The following FAAH2 variants were observed in gnomAD, a reference collection of about 807,000 sequenced individuals.
FAAH2 encodes fatty-acid amide hydrolase 2.
FAAH2 carries 60 observed loss-of-function variants against 36.9 expected under a neutral mutation model. The ratio of observed to expected loss-of-function variants is 1.63; its 90% confidence interval spans 1.32 to 2.02. The LOEUF (loss-of-function observed/expected upper bound fraction) is 2.02, where lower values mean the gene tolerates loss of function less well. Ranked by LOEUF, FAAH2 falls within the 30% of genes most tolerant of loss-of-function variation. The probability of loss-of-function intolerance (pLI) is 0.00; values close to 1 mark genes in which losing one functional copy is unlikely to be tolerated. For synonymous variants in FAAH2, 214 were observed against 143.8 expected (o/e 1.49, Z -3.49); for missense variants, 689 against 397.5 (o/e 1.73, Z -6.23).
At chrX:57,148,758 C>T in the FAAH2 span, among the ~76,000 whole-genome samples, 1 of 111,461 alleles carries the variant, frequency 9.0e-6, no homozygotes, top group Non-Finnish European at 1.9e-5. Context: ...TTATTTCCTT[C>T]TCCTGCCTCA....
the FAAH2 span, among the ~76,000 whole-genome samples, chrX:57,132,403 G>A: frequency 3.6e-5 from 4 of 112,142 alleles, no homozygotes; most frequent in African/African-American, 1.3e-4. Context: ...CAATCTAGGC[G>A]TTGAGTATAG....
chrX:57,400,842 G>T (rs1043943488), intron 7 of FAAH2, among the ~76,000 whole-genome samples: 2 of 112,404 alleles, frequency 1.8e-5, no homozygotes. Flanking sequence ...CTTGGGTGGG[G>T]CTGGGCGCAG....
chrX:57,487,471 A>G (rs958271128), intron 10 of FAAH2, among the ~76,000 whole-genome samples: 2 of 112,038 alleles, frequency 1.8e-5, no homozygotes, highest in African/African-American at 3.2e-5. Flanking sequence ...AATGGATTTC[A>G]ATAGATATTT....
At position 57,345,667 on chromosome X, in the gene FAAH2, C is replaced by T. The variant is rs1015659737; in HGVS notation, c.742+4277C>T. ...ATAGTTACATATTTTCTACTGCAAG[C>T]TTTGAGTTTGGATTGCAATTTATTT... On this transcript the variant is annotated intron_variant, in intron 5 of 10. Coordinates refer to ENST00000374900, the MANE Select transcript of FAAH2 (RefSeq NM_174912.4). 2.7e-5 allele frequency among the ~76,000 whole-genome samples: 3 copies of T among 111,144 alleles called. No individual in the cohort carries two copies. In the South Asian group the frequency reaches 1.1e-3, roughly 41 times the overall value.
At chrX:57,349,235 A>T (rs886623334) in intron 5 of FAAH2, among the ~76,000 whole-genome samples, 1 of 63,317 alleles carries the variant, frequency 1.6e-5, no homozygotes, top group African/African-American at 3.9e-5. Context: ...ATGTATGTAT[A>T]TATGTATGTA....
At chrX:57,300,353 C>G (rs774530827) in intron 2 of FAAH2, among the ~76,000 whole-genome samples, 16 of 111,638 alleles carry the variant, frequency 1.4e-4, no homozygotes, top group South Asian at 3.8e-4. Flanking sequence ...ACAAGCAATG[C>G]GGAAAGGATT....
intron 5 of FAAH2, among the ~76,000 whole-genome samples, chrX:57,370,758 A>G (rs761799765): frequency 8.9e-6 from 1 of 111,896 alleles, no homozygotes; most frequent in African/African-American, 3.2e-5. Flanking sequence ...AGATTCTCAT[A>G]GGAGCATGAA....
At chrX:57,391,189 G>A (rs888201885) in intron 7 of FAAH2, among the ~76,000 whole-genome samples, 2 of 110,105 alleles carry the variant, frequency 1.8e-5, no homozygotes, top group South Asian at 7.5e-4. Flanking sequence ...TTGTTGATTT[G>A]TTTTGGTTTC....
chrX:57,185,259 G>C, the FAAH2 span, among the ~76,000 whole-genome samples: 8 of 110,138 alleles, frequency 7.3e-5, no homozygotes, highest in Non-Finnish European at 1.3e-4. Flanking sequence ...CCCAGCCTCT[G>C]GTCTCTTTCT....
chrX:57,352,264 C>T (rs939271802), intron 5 of FAAH2, among the ~76,000 whole-genome samples: 19 of 103,192 alleles, frequency 1.8e-4, no homozygotes, highest in African/African-American at 6.0e-4. Flanking sequence ...AGACCACATA[C>T]TATGATTAAG....
intron 10 of FAAH2, among the ~76,000 whole-genome samples, chrX:57,466,700 T>C (rs2057057498): frequency 9.0e-6 from 1 of 111,132 alleles, no homozygotes; most frequent in African/African-American, 3.3e-5. Context: ...ATATTTCCTA[T>C]CTATTATTTT....
intron 2 of FAAH2, among the ~76,000 whole-genome samples, chrX:57,300,076 T>A (rs1296976321): frequency 6.3e-5 from 7 of 111,842 alleles, no homozygotes; most frequent in African/African-American, 2.3e-4. Context: ...AAGCTACAAA[T>A]GACTTTCTTC....
intron 10 of FAAH2, among the ~76,000 whole-genome samples, chrX:57,467,878 TG>T (rs1222595286): frequency 9.0e-6 from 1 of 111,530 alleles, no homozygotes; most frequent in East Asian, 2.8e-4. Flanking sequence ...CTCACACAGC[TG>T]GGTACCCCTC....
chrX:57,457,862 G>A (rs2056888996), intron 10 of FAAH2, among the ~76,000 whole-genome samples: 1 of 111,223 alleles, frequency 9.0e-6, no homozygotes, highest in African/African-American at 3.3e-5. Context: ...AGTTAAAATG[G>A]CCATACTGCC....
intron 10 of FAAH2, among the ~76,000 whole-genome samples, chrX:57,468,265 G>C (rs1366769514): frequency 8.9e-6 from 1 of 112,055 alleles, no homozygotes; most frequent in East Asian, 2.8e-4. Context: ...TTGACGAGTT[G>C]AGAGAAGAAG....
chrX:57,342,157 G>A (rs780302308), intron 5 of FAAH2, among the ~76,000 whole-genome samples: 1 of 111,668 alleles, frequency 9.0e-6, no homozygotes, highest in East Asian at 2.8e-4. Flanking sequence ...TATAACAATG[G>A]TCCGTATACA....
At chrX:57,418,428 G>A (rs993951122) in intron 7 of FAAH2, among the ~76,000 whole-genome samples, 5 of 111,028 alleles carry the variant, frequency 4.5e-5, no homozygotes, top group African/African-American at 6.6e-5. Flanking sequence ...ATCTGGGGCC[G>A]TATTGCACCA....
chrX:57,301,607 TATAATAATAATAATA>T (rs200729067), intron 2 of FAAH2, among the ~76,000 whole-genome samples: 114 of 100,236 alleles, frequency 1.1e-3, no homozygotes, highest in East Asian at 5.0e-3. Flanking sequence ...AAACTTAAAG[TATAATAATAATAATA>T]ATAATAATAA....
At chrX:57,141,797 T>C in the FAAH2 span, among the ~76,000 whole-genome samples, 2 of 111,356 alleles carry the variant, frequency 1.8e-5, no homozygotes, top group Non-Finnish European at 3.8e-5. Flanking sequence ...TTTTTTTAAA[T>C]GTTACTTTAA....
Sources: gnomAD v4.1 joint callset for allele counts (sites outside exome capture counted in the v4.1 genomes callset) on GRCh38, gnomAD v4.1.1 for gene constraint, MANE v1.5 for transcripts, NCBI Gene and HGNC (gene_info 2026-07-23, HGNC 2026-07-21) for gene names.